The following PCDH7 variants were observed in gnomAD, a reference collection of about 807,000 sequenced individuals.
PCDH7 encodes protocadherin-7.
In PCDH7, 17 loss-of-function variants were observed where a neutral mutation model predicts 58.9. That is an observed-to-expected ratio of 0.29 (90% confidence interval 0.20 to 0.43). PCDH7 has a LOEUF of 0.43. Among genes scored for constraint, PCDH7 ranks in the 20% least tolerant of loss-of-function variants. The probability of loss-of-function intolerance (pLI) is 1.00; values close to 1 mark genes in which losing one functional copy is unlikely to be tolerated. For missense variants in PCDH7, 1,274 were observed against 1,441.0 expected (o/e 0.88, Z 1.88); for synonymous variants, 664 against 616.4 (o/e 1.08, Z -1.14).
At chr4:30,928,547 G>A (rs1744180383) in intron 2 of PCDH7, among the ~76,000 whole-genome samples, 1 of 152,120 alleles carries the variant, frequency 6.6e-6, no homozygotes, top group Non-Finnish European at 1.5e-5. Context: ...AAGTTTTTAT[G>A]CTCAAGAGAT....
Position 30,723,310 on chromosome 4 carries a change from G to T in PCDH7, c.1888G>T (p.Ala630Ser). 1 of 1,614,212 alleles carries T rather than the reference G, an allele frequency of 6.2e-7. No homozygotes were observed. Among genetic ancestry groups the T allele is most frequent in the Non-Finnish European group, 8.5e-7 (1 of 1,180,036 alleles). The change falls in exon 1 of 2, where the codon GCT becomes TCT. Residue 630 changes from alanine (A) to serine (S), a missense_variant. By Grantham distance (99) the Ala-to-Ser change is moderately conservative. Transcript: ENST00000361762. This position sits in a 1 kb window ranked among gnomAD's most constrained non-coding sequence, Gnocchi z 4.6. Reference sequence around the variant, plus strand: ...CAGCACTACGGTGATTGTGCAGGTGGCTGATAAAAATGACAATGACCCTAA... The same window carrying T: ...CAGCACTACGGTGATTGTGCAGGTGTCTGATAAAAATGACAATGACCCTAA...
intron 3 of PCDH7, among the ~76,000 whole-genome samples, chr4:31,098,067 T>C (rs972869864): frequency 1.3e-5 from 2 of 152,200 alleles, no homozygotes; most frequent in African/African-American, 4.8e-5. Flanking sequence ...CGTATACTTC[T>C]GTTTAGGAAA....
chr4:30,902,648 G>C (rs553759480), intron 1 of PCDH7, among the ~76,000 whole-genome samples: 1 of 151,376 alleles, frequency 6.6e-6, no homozygotes, highest in African/African-American at 2.4e-5. Flanking sequence ...GTGAAGTAAT[G>C]TGTAGAAAAT....
chr4:30,744,111 T>A (rs983955602), intron 1 of PCDH7, among the ~76,000 whole-genome samples: 1 of 152,138 alleles, frequency 6.6e-6, no homozygotes, highest in Non-Finnish European at 1.5e-5. Context: ...TTTGCTATCT[T>A]CATTTTTCCC....
chr4:30,752,624 G>T (rs1220328258), intron 1 of PCDH7, among the ~76,000 whole-genome samples: 1 of 140,232 alleles, frequency 7.1e-6, no homozygotes, highest in African/African-American at 2.7e-5. Context: ...AGAAGATATG[G>T]ACTCTTACTT....
chr4:31,096,255 T>A (rs915920657), intron 3 of PCDH7, among the ~76,000 whole-genome samples: 6 of 152,156 alleles, frequency 3.9e-5, no homozygotes, highest in Non-Finnish European at 7.3e-5. Flanking sequence ...AGATTCAGCT[T>A]AGATATTCAA....
At chr4:30,830,422 A>G (rs1268159675) in intron 1 of PCDH7, among the ~76,000 whole-genome samples, 6 of 152,030 alleles carry the variant, frequency 3.9e-5, no homozygotes, top group Non-Finnish European at 8.8e-5. Context: ...ATGGATTTAG[A>G]TTTCACATTT....
downstream of PCDH7, among the ~76,000 whole-genome samples, chr4:30,735,722 T>C (rs1364401766): frequency 6.6e-6 from 1 of 151,560 alleles, no homozygotes; most frequent in Non-Finnish European, 1.5e-5. Flanking sequence ...TAGCGAGGAG[T>C]TGGGGAGGTA....
At chr4:31,125,074 GT>G (rs904706083) in intron 3 of PCDH7, among the ~76,000 whole-genome samples, 6 of 152,002 alleles carry the variant, frequency 3.9e-5, no homozygotes, top group African/African-American at 7.2e-5. Context: ...AGATAAACCT[GT>G]TTTTTTTAGC....
At chr4:30,906,891 C>T (rs974761831) in intron 1 of PCDH7, among the ~76,000 whole-genome samples, 6 of 151,802 alleles carry the variant, frequency 4.0e-5, no homozygotes, top group Admixed American at 6.6e-5. Flanking sequence ...GGCGTGGTGG[C>T]GGGTGCCTGT....
At chr4:30,923,561 C>A (rs1273906026) in intron 2 of PCDH7, among the ~76,000 whole-genome samples, 1 of 151,922 alleles carries the variant, frequency 6.6e-6, no homozygotes, top group African/African-American at 2.4e-5. Flanking sequence ...AAAGAATATA[C>A]CATAAGAATA....
At chr4:30,858,480 GT>G (rs1733773435) in intron 1 of PCDH7, among the ~76,000 whole-genome samples, 1 of 151,968 alleles carries the variant, frequency 6.6e-6, no homozygotes, top group Non-Finnish European at 1.5e-5. Flanking sequence ...GTTTTTCTTT[GT>G]AGTGAGGATA....
intron 3 of PCDH7, among the ~76,000 whole-genome samples, chr4:31,044,187 A>G (rs1284158828): frequency 2.0e-5 from 3 of 150,792 alleles, no homozygotes; most frequent in Admixed American, 1.3e-4. Flanking sequence ...CAGATGCCAC[A>G]TTTTAGGGGG....
intron 3 of PCDH7, among the ~76,000 whole-genome samples, chr4:30,954,328 T>G (rs771133498): frequency 6.6e-6 from 1 of 152,278 alleles, no homozygotes; most frequent in South Asian, 2.1e-4. Flanking sequence ...TATGAACCTA[T>G]ATAATCTTAA....
intron 3 of PCDH7, among the ~76,000 whole-genome samples, chr4:31,124,428 C>G (rs1185343819): frequency 1.3e-5 from 2 of 152,110 alleles, no homozygotes; most frequent in African/African-American, 4.8e-5. Context: ...TGTTAACCAC[C>G]CCGATTCATT....
chr4:30,843,884 A>T (rs1731556063), intron 1 of PCDH7, among the ~76,000 whole-genome samples: 1 of 152,106 alleles, frequency 6.6e-6, no homozygotes, highest in Non-Finnish European at 1.5e-5. Context: ...GAGTACATCC[A>T]CAGTGATGAT....
intron 3 of PCDH7, among the ~76,000 whole-genome samples, chr4:31,127,025 G>T (rs1208379082): frequency 6.6e-6 from 1 of 152,116 alleles, no homozygotes; most frequent in African/African-American, 2.4e-5. Context: ...CATGAAATCT[G>T]CTCTCCTATG....
At chr4:30,779,364 G>C (rs1722496102) in intron 1 of PCDH7, among the ~76,000 whole-genome samples, 2 of 152,064 alleles carry the variant, frequency 1.3e-5, no homozygotes, top group East Asian at 1.9e-4. Flanking sequence ...ACATTAGATA[G>C]TAATGTAATG....
rs1177960610 is a variant in PCDH7, at chr4:31,045,796, G to T, written c.*7+95581G>T. Among the ~76,000 whole-genome samples, 4 of 151,922 alleles carry T rather than the reference G, an allele frequency of 2.6e-5. No individual in the cohort carries two copies. In the East Asian group the frequency reaches 7.7e-4, roughly 29 times the overall value. The stretch of plus-strand genomic sequence containing the variant: ...GAGGACAAGTTTGAAGAACCAGTGT[G>T]AACAGTTCTTTCATTGCACTTGTAT... On this transcript the variant is annotated intron_variant, in intron 3 of 3. Transcript: ENST00000509759.
Sources: gnomAD v4.1 joint callset for allele counts (sites outside exome capture counted in the v4.1 genomes callset) on GRCh38, gnomAD v4.1.1 for gene constraint, Gnocchi (gnomAD v3.1) non-coding constraint, MANE v1.5 for transcripts, NCBI Gene and HGNC (gene_info 2026-07-23, HGNC 2026-07-21) for gene names.